The following RIF1 variants were observed in gnomAD, a reference collection of about 807,000 sequenced individuals.
The protein encoded by RIF1 is replication timing regulatory factor 1.
RIF1 carries 45 observed loss-of-function variants against 247.1 expected under a neutral mutation model. The observed-to-expected ratio is 0.18, with a 90% CI of 0.14 to 0.23. The LOEUF (loss-of-function observed/expected upper bound fraction) is 0.23. RIF1 is among the 10% of genes least tolerant of loss of function. The pLI, the probability that RIF1 is intolerant of heterozygous loss-of-function variation, is 1.00. For missense variants in RIF1, 2,967 were observed against 2,862.5 expected (o/e 1.04, Z -0.83); for synonymous variants, 1,087 against 978.8 (o/e 1.11, Z -2.06).
At chr2:151,459,336 T>A (rs571398277) in intron 25 of RIF1, among the ~76,000 whole-genome samples, 1 of 152,234 alleles carries the variant, frequency 6.6e-6, no homozygotes, top group Non-Finnish European at 1.5e-5. Flanking sequence ...GCTAATAATA[T>A]TTGATTACTG....
In RIF1 at chr2:151,498,062, A is replaced by T. The variant is rs1004501937; in HGVS notation, c.*514-1283A>T. 5 of 1,455,614 alleles carry T rather than the reference A, an allele frequency of 3.4e-6. No homozygotes were observed. The African/African-American group carries it at 7.1e-5, about 21-fold the overall frequency. The allele number at this position is 1,455,614 out of a possible 1,614,324, so 90.2% of individuals were successfully genotyped here. A position where few individuals can be genotyped will look rare whatever the true frequency, so the allele number is the denominator to read the frequency against. The stretch of plus-strand genomic sequence containing the variant: ...TGGAAACATTCATTATTTTTAAAAC[A>T]TGTTTGTTTGTAAATATCAGATGAA... On this transcript the variant is annotated intron_variant and NMD_transcript_variant, in intron 10 of 13. Transcript: ENST00000454583.
At chr2:151,526,407 C>A in the RIF1 span, 1 of 664,888 alleles carries the variant, frequency 1.5e-6, no homozygotes. Context: ...GGGAAATATT[C>A]AAAAGGGTTT....
chr2:151,524,613 C>T, the RIF1 span: 17 of 1,496,034 alleles, frequency 1.1e-5, no homozygotes, highest in East Asian at 5.0e-5. Flanking sequence ...TTTCTGTAAG[C>T]GACCTTTATT....
chr2:151,494,788 A>G lies in RIF1; in HGVS notation c.*416-441A>G, dbSNP rs572013399. 9.3e-4 allele frequency among the ~76,000 whole-genome samples: 141 copies of G among 152,292 alleles called. 1 individual carries two copies. The Middle Eastern group carries it at 0.048, about 51-fold the overall frequency. The stretch of plus-strand genomic sequence containing the variant: ...CTCAGCCTCCTGAGTAGCTGGGATT[A>G]CAGGCGTGCACCACCATGCCCGGCT... On this transcript the variant is annotated intron_variant and NMD_transcript_variant, in intron 9 of 13. Transcript: ENST00000454583.
In RIF1 at chr2:151,464,344, TGAA is replaced by T. The variant is rs750796707; in HGVS notation, c.4830_4832del (p.Glu1610del). ...AGTCACATGATTATAAAGCAACTTC[TGAA>T]GAAGATGTAAGCATAAAATCTCCGA... On this transcript the variant is annotated inframe_deletion, in exon 30 of 36. Coordinates refer to ENST00000444746, the MANE Select transcript of RIF1 (RefSeq NM_018151.5). 6.8e-6 allele frequency: 11 copies of T among 1,610,434 alleles called. No homozygotes were observed. Among genetic ancestry groups the T allele is most frequent in the Non-Finnish European group, 7.6e-6 (9 of 1,179,068 alleles).
chr2:151,519,113 T>C, the RIF1 span: 1 of 1,237,574 alleles, frequency 8.1e-7, no homozygotes. Context: ...AAATAGGAAA[T>C]GGAACAGCAC....
Position 151,464,839 on chromosome 2 carries a change from A to G in RIF1, c.5319A>G (p.Pro1773=). 1 of 1,609,872 alleles carries G rather than the reference A, an allele frequency of 6.2e-7. No homozygotes were observed. Among genetic ancestry groups the G allele is most frequent in the Non-Finnish European group, 8.5e-7 (1 of 1,179,010 alleles). Residue 1773 remains proline, a synonymous_variant, in exon 30 of 36, where the codon CCA becomes CCG. Coordinates refer to ENST00000444746, the MANE Select transcript of RIF1 (RefSeq NM_018151.5). The part of the protein sequence containing the change: ...KKADVQAPVS[P]SETSQANPYS... ...CAGATGTGCAAGCACCTGTAAGCCC[A>G]TCAGAAACTTCTCAAGCTAATCCAT...
chr2:151,442,689 C>G (rs530419523), intron 16 of RIF1, among the ~76,000 whole-genome samples: 4 of 148,046 alleles, frequency 2.7e-5, no homozygotes, highest in African/African-American at 9.9e-5. Context: ...AATCTATGTT[C>G]TTTTTATATC....
downstream of RIF1, among the ~76,000 whole-genome samples, chr2:151,512,503 A>T (rs1413449144): frequency 6.6e-6 from 1 of 152,092 alleles, no homozygotes; most frequent in Non-Finnish European, 1.5e-5. Context: ...TTGTAGGGAC[A>T]GGGTTTTGCC....
Position 151,489,234 on chromosome 2 carries a change from G to GT in RIF1, c.*415+5900dup, listed in dbSNP as rs1440690431. Among the ~76,000 whole-genome samples, 8 of 152,132 alleles carry GT rather than the reference G, an allele frequency of 5.3e-5. No individual in the cohort carries two copies. In the East Asian group the frequency reaches 1.3e-3, roughly 26 times the overall value. On this transcript the variant is annotated intron_variant and NMD_transcript_variant, in intron 9 of 13. Coordinates refer to the RIF1 transcript ENST00000454583. ...AAAGATTGTTCATATCAATCCTAAAGTATTAGGCTTTTGAGGATATTATGA... is the reference window on the plus strand; with the variant it reads ...AAAGATTGTTCATATCAATCCTAAAGTTATTAGGCTTTTGAGGATATTATGA...
At chr2:151,434,084 C>T (rs1227100333) in intron 10 of RIF1, among the ~76,000 whole-genome samples, 1 of 150,702 alleles carries the variant, frequency 6.6e-6, no homozygotes, top group African/African-American at 2.4e-5. Flanking sequence ...AGGAGAATTG[C>T]TTGAACCCAG....
At chr2:151,453,208 A>G (rs1242154294) in intron 21 of RIF1, among the ~76,000 whole-genome samples, 1 of 151,772 alleles carries the variant, frequency 6.6e-6, no homozygotes, top group African/African-American at 2.4e-5. Flanking sequence ...TCCCTTCTGA[A>G]CCATTTTAAG....
At chr2:151,473,456 T>G (rs577706045) in intron 34 of RIF1, among the ~76,000 whole-genome samples, 14 of 151,928 alleles carry the variant, frequency 9.2e-5, no homozygotes, top group African/African-American at 2.9e-4. Flanking sequence ...AATTTTTGTG[T>G]TTTTTGTAGA....
the RIF1 span, chr2:151,519,083 G>A: frequency 2.6e-6 from 4 of 1,520,510 alleles, no homozygotes; most frequent in Admixed American, 5.0e-5. Flanking sequence ...TGTGTTATGG[G>A]GGAAGAAAGG....
At chr2:151,435,347 G>A (rs1428716580) in intron 10 of RIF1, 116 bp from the exon 11 acceptor site, 6 of 660,896 alleles carry the variant, frequency 9.1e-6, no homozygotes, top group East Asian at 2.5e-5. Context: ...GCATGGAAAC[G>A]ATCTGTAAAA....
chr2:151,523,568 G>C, the RIF1 span, among the ~76,000 whole-genome samples: 1 of 152,218 alleles, frequency 6.6e-6, no homozygotes, highest in Admixed American at 6.5e-5. Context: ...CTTGCACTCT[G>C]ATAGGTCTGG....
the RIF1 span, chr2:151,514,450 A>C: frequency 2.6e-6 from 4 of 1,524,476 alleles, no homozygotes; most frequent in Non-Finnish European, 3.6e-6. Flanking sequence ...AAGAAAAGCA[A>C]CAACATTGAC....
chr2:151,410,058 T>A (rs1685871175), intron 1 of RIF1, 25 bp downstream of exon 1: 1 of 702,598 alleles, frequency 1.4e-6, no homozygotes, highest in Non-Finnish European at 2.6e-6. Context: ...GGGGTGACAG[T>A]GGTAGGCCGC....
chr2:151,473,292 CT>C (rs11305289), intron 34 of RIF1, among the ~76,000 whole-genome samples: 31,211 of 125,912 alleles, frequency 0.25, 3,944 homozygotes, highest in East Asian at 0.34. Context: ...AAATTGTATC[CT>C]TTTTTTTTTT....
Sources: gnomAD v4.1 joint callset for allele counts (sites outside exome capture counted in the v4.1 genomes callset) on GRCh38, gnomAD v4.1.1 for gene constraint, MANE v1.5 for transcripts, NCBI Gene and HGNC (gene_info 2026-07-23, HGNC 2026-07-21) for gene names.